ATF7IP: variants seen among roughly 807,000 people sequenced by gnomAD.
The protein encoded by ATF7IP is activating transcription factor 7-interacting protein 1.
ATF7IP carries 23 observed loss-of-function variants against 106.4 expected under a neutral mutation model. The observed-to-expected ratio is 0.22, with a 90% CI of 0.16 to 0.31. ATF7IP has a LOEUF of 0.31. Ranked by LOEUF, ATF7IP falls within the 10% of genes least tolerant of loss-of-function variation. The probability of loss-of-function intolerance (pLI) is 1.00; values close to 1 mark genes in which losing one functional copy is unlikely to be tolerated. For synonymous variants in ATF7IP, 542 were observed against 539.0 expected (o/e 1.01, Z -0.08); for missense variants, 1,334 against 1,524.3 (o/e 0.88, Z 2.08).
In ATF7IP at chr12:14,447,167, T is replaced by A. The variant is rs576897520; in HGVS notation, c.1995+114T>A. On this transcript the variant is annotated intron_variant, in intron 6 of 14. Transcript: ENST00000261168. The stretch of plus-strand genomic sequence containing the variant: ...ATCTGAAATTTGCTTTCATACTGTG[T>A]ACTCCTCTATGTAATTTCTGGATCT... 182 of 678,310 alleles carry A rather than the reference T, an allele frequency of 2.7e-4. No individual in the cohort carries two copies. The African/African-American group carries it at 3.1e-3, about 12-fold the overall frequency. 42.0% of individuals were successfully genotyped at this position (678,310 alleles called of 1,614,324 possible). A position where few individuals can be genotyped will look rare whatever the true frequency, so the allele number is the denominator to read the frequency against.
At chr12:14,412,857 T>TA (rs1430612546) in intron 1 of ATF7IP, among the ~76,000 whole-genome samples, 1 of 152,052 alleles carries the variant, frequency 6.6e-6, no homozygotes, top group Non-Finnish European at 1.5e-5. Context: ...CTACTAAAAA[T>TA]ACAAAAATTA....
At chr12:14,378,663 A>G (rs928089169) in intron 1 of ATF7IP, among the ~76,000 whole-genome samples, 1 of 152,064 alleles carries the variant, frequency 6.6e-6, no homozygotes, top group African/African-American at 2.4e-5. Context: ...TCTTTTTTTG[A>G]TCTTGTGTTA....
chr12:14,416,572 C>A (rs1057277712), intron 1 of ATF7IP, among the ~76,000 whole-genome samples: 1 of 152,134 alleles, frequency 6.6e-6, no homozygotes, highest in South Asian at 2.1e-4. Context: ...ACCCAACAAT[C>A]GTGGTACTTA....
chr12:14,370,869 G>A (rs1481809991), intron 1 of ATF7IP, among the ~76,000 whole-genome samples: 1 of 151,518 alleles, frequency 6.6e-6, no homozygotes, highest in South Asian at 2.1e-4. Flanking sequence ...TACAATATTC[G>A]AAATCAAAAT....
chr12:14,438,389 G>A, intron 5 of ATF7IP, 122 bp downstream of exon 5: 1 of 1,027,342 alleles, frequency 9.7e-7, no homozygotes. Context: ...GAAGGAAAAG[G>A]AGTTTGTTTA....
chr12:14,423,574 C>CTTTTTTTTTTTTTTT, intron 1 of ATF7IP, among the ~76,000 whole-genome samples: 1 of 34,388 alleles, frequency 2.9e-5, no homozygotes, highest in Admixed American at 3.7e-4. Context: ...TCTTCAGGTA[C>CTTTTTTTTTTTTTTT]TTTTTTTTTT....
At chr12:14,431,902 A>G (rs978755415) in intron 2 of ATF7IP, among the ~76,000 whole-genome samples, 1 of 152,184 alleles carries the variant, frequency 6.6e-6, no homozygotes, top group Non-Finnish European at 1.5e-5. Context: ...AGAATTTGTT[A>G]ATACCATTTT....
intron 13 of ATF7IP, among the ~76,000 whole-genome samples, chr12:14,490,866 A>G (rs1195060840): frequency 1.3e-5 from 2 of 152,190 alleles, no homozygotes; most frequent in East Asian, 1.9e-4. Context: ...CTTTATGGCT[A>G]AGTGGGTCAG....
rs200010986 is a variant in ATF7IP, at chr12:14,401,570, ATT to A, written c.-7-22338_-7-22337del. Reference sequence around the variant, plus strand: ...GTTTGTGTCTGTCTTTTGGATGATTATTCTGTTGTACTCTTTTTTTTTTTGTA... The same window carrying A: ...GTTTGTGTCTGTCTTTTGGATGATTACTGTTGTACTCTTTTTTTTTTTGTA... On this transcript the variant is annotated intron_variant, in intron 1 of 14. Transcript: ENST00000261168. 4.1e-4 allele frequency among the ~76,000 whole-genome samples: 59 copies of A among 143,386 alleles called. No individual in the cohort carries two copies. The East Asian group carries it at 0.011, about 27-fold the overall frequency. The allele number at this position is 143,386 out of a possible 152,430, so 94.1% of individuals were successfully genotyped here.
At chr12:14,477,201 A>T (rs1256636360) in intron 11 of ATF7IP, among the ~76,000 whole-genome samples, 1 of 152,196 alleles carries the variant, frequency 6.6e-6, no homozygotes, top group Non-Finnish European at 1.5e-5. Flanking sequence ...TTTAAAAATA[A>T]TATTTTGGGG....
intron 1 of ATF7IP, among the ~76,000 whole-genome samples, chr12:14,415,031 G>A (rs1376839481): frequency 6.6e-6 from 1 of 152,104 alleles, no homozygotes; most frequent in Non-Finnish European, 1.5e-5. Context: ...AGCCTCCCAA[G>A]TAGCTGAGAT....
Position 14,365,687 on chromosome 12 carries a change from T to TGCGGAGGCG in ATF7IP, c.-143_-135dup. The TGCGGAGGCG allele has an allele frequency of 6.4e-6, 1 of 157,122 alleles. No individual in the cohort carries two copies. Among genetic ancestry groups the TGCGGAGGCG allele is most frequent in the Non-Finnish European group, 1.4e-5 (1 of 70,622 alleles). The allele number at this position is 157,122 out of a possible 1,614,324, so 9.7% of individuals were successfully genotyped here. On this transcript the variant is annotated 5_prime_UTR_variant, in exon 1 of 15. Coordinates refer to ENST00000261168, the MANE Select transcript of ATF7IP (RefSeq NM_018179.5). Reference sequence around the variant, plus strand: ...GGAGAAGCGGGTTTGTTTTTGAATCTGCGGAGGCGGCGGCGGTGGCAGCGG... The same window carrying TGCGGAGGCG: ...GGAGAAGCGGGTTTGTTTTTGAATCTGCGGAGGCGGCGGAGGCGGCGGCGGTGGCAGCGG...
At chr12:14,453,541 C>T (rs561552274) in intron 6 of ATF7IP, among the ~76,000 whole-genome samples, 1 of 151,184 alleles carries the variant, frequency 6.6e-6, no homozygotes, top group African/African-American at 2.4e-5. Context: ...TACAGTTTCT[C>T]TTTGTTGATA....
chr12:14,400,035 G>A (rs1940096334), intron 1 of ATF7IP, among the ~76,000 whole-genome samples: 1 of 152,170 alleles, frequency 6.6e-6, no homozygotes, highest in East Asian at 1.9e-4. Context: ...AAATGTGACT[G>A]CTGCCCTGGT....
At chr12:14,496,814 A>G (rs1945025548) in intron 14 of ATF7IP, among the ~76,000 whole-genome samples, 1 of 152,204 alleles carries the variant, frequency 6.6e-6, no homozygotes, top group African/African-American at 2.4e-5. Flanking sequence ...AGCCTCCAAA[A>G]CAATGTCACA....
rs190205762 is a variant in ATF7IP, at chr12:14,373,535, T to A, written c.-8+7708T>A. ...TGGTTTATGTGTGATCATTTAGTCA[T>A]TGGGACATATTTAGCTGGGAAAGGA... On this transcript the variant is annotated intron_variant, in intron 1 of 14. Coordinates refer to ENST00000261168, the MANE Select transcript of ATF7IP (RefSeq NM_018179.5). Among the ~76,000 whole-genome samples the A allele has an allele frequency of 4.8e-4, 73 of 152,320 alleles. No individual in the cohort carries two copies. The East Asian group carries it at 0.014, about 29-fold the overall frequency.
At chr12:14,439,050 T>G (rs888535268) in intron 5 of ATF7IP, among the ~76,000 whole-genome samples, 1 of 152,226 alleles carries the variant, frequency 6.6e-6, no homozygotes, top group African/African-American at 2.4e-5. Context: ...TAATTTCTAC[T>G]TGTCATTTTT....
intron 1 of ATF7IP, among the ~76,000 whole-genome samples, chr12:14,391,015 T>A (rs2136434800): frequency 6.6e-6 from 1 of 152,342 alleles, no homozygotes; most frequent in Admixed American, 6.5e-5. Flanking sequence ...GAAAAAGTGA[T>A]TAACTTGCAC....
chr12:14,452,407 T>A (rs1943240237), intron 6 of ATF7IP, among the ~76,000 whole-genome samples: 1 of 152,196 alleles, frequency 6.6e-6, no homozygotes, highest in African/African-American at 2.4e-5. Flanking sequence ...CTTGTAGCTT[T>A]TTTTTGTTTC....
Sources: gnomAD v4.1 joint callset for allele counts (sites outside exome capture counted in the v4.1 genomes callset) on GRCh38, gnomAD v4.1.1 for gene constraint, MANE v1.5 for transcripts, NCBI Gene and HGNC (gene_info 2026-07-23, HGNC 2026-07-21) for gene names.